KCNAB2: variants seen among roughly 807,000 people sequenced by gnomAD.
The protein encoded by KCNAB2 is potassium voltage-gated channel subfamily A regulatory beta subunit 2, also known as voltage-gated potassium channel subunit beta-2.
In KCNAB2, 29 loss-of-function variants were observed where a neutral mutation model predicts 63.6. The observed-to-expected ratio is 0.46, with a 90% confidence interval of 0.34 to 0.62. The LOEUF is 0.62. KCNAB2 is among the 20% of genes least tolerant of loss of function. KCNAB2 has a pLI of 0.01. For missense variants in KCNAB2, 359 were observed against 563.9 expected (o/e 0.64, Z 3.68); for synonymous variants, 222 against 224.2 (o/e 0.99, Z 0.09).
At chr1:6,082,403 A>G in intron 5 of KCNAB2, 129 bp downstream of exon 5, 1 of 713,934 alleles carries the variant, frequency 1.4e-6, no homozygotes, top group Middle Eastern at 2.5e-4. Context: ...TTCATTTTTA[A>G]ACTCTGAATG....
intron 15 of KCNAB2, 192 bp downstream of exon 15, chr1:6,097,549 C>T (rs1378796386): frequency 2.0e-6 from 2 of 990,858 alleles, no homozygotes; most frequent in Non-Finnish European, 3.0e-6. Context: ...CTGCACGAAA[C>T]AAGGAGGTTA....
At chr1:6,029,618 C>G (rs1313200236), upstream of KCNAB2, among the ~76,000 whole-genome samples, 1 of 152,198 alleles carries the variant, frequency 6.6e-6, no homozygotes, top group Non-Finnish European at 1.5e-5. Flanking sequence ...TCCTGCAGCC[C>G]CCGCTGCACA....
At chr1:6,082,896 C>T (rs1190575363) in intron 5 of KCNAB2, among the ~76,000 whole-genome samples, 1 of 152,176 alleles carries the variant, frequency 6.6e-6, no homozygotes, top group Non-Finnish European at 1.5e-5. Flanking sequence ...AGCCAAGTTC[C>T]CGTCAGCCGG....
At chr1:6,033,379 GTGTATGTGTGCATTGCATGTGTGCC>G (rs1312034207), upstream of KCNAB2, among the ~76,000 whole-genome samples, 7 of 151,158 alleles carry the variant, frequency 4.6e-5, no homozygotes, top group African/African-American at 1.7e-4. Context: ...ATATGTGTGC[GTGTATGTGTGCATTGCATGTGTGCC>G]TGTATGTGTG....
chr1:6,079,357 TAAAAATAG>T (rs1236779469), intron 4 of KCNAB2, among the ~76,000 whole-genome samples: 1 of 152,032 alleles, frequency 6.6e-6, no homozygotes, highest in Non-Finnish European at 1.5e-5. Context: ...TCATCTCTAC[TAAAAATAG>T]AAAAATCAGC....
intron 8 of KCNAB2, among the ~76,000 whole-genome samples, chr1:6,090,109 G>T (rs571467904): frequency 1.3e-5 from 2 of 152,340 alleles, no homozygotes; most frequent in South Asian, 4.1e-4. Flanking sequence ...TCAGAGGAGG[G>T]TATATTGTCT....
rs1657354339 is a variant in KCNAB2, at chr1:6,003,121, C to T, written c.-53+10333C>T. ...CACGGGGCGGGCGCTCGCCCTTGGC[C>T]TCGCTCCTGAGCCACAGTCACCAGG... is the stretch of plus-strand genomic sequence containing the variant. On this transcript the variant is annotated intron_variant, in intron 1 of 16. Transcript: ENST00000341524. The surrounding 1 kb of genome is among the most constrained non-coding windows in gnomAD (Gnocchi z 4.1). Among the ~76,000 whole-genome samples the T allele has an allele frequency of 6.6e-6, 1 of 152,244 alleles. No homozygotes were observed. Among genetic ancestry groups the T allele is most frequent in the South Asian group, 2.1e-4 (1 of 4,836 alleles).
rs1168949700 is a variant in KCNAB2, at chr1:6,087,822, T to C, written c.470+311T>C. On this transcript the variant is annotated intron_variant, in intron 7 of 15. Transcript: ENST00000378083. This position sits in a 1 kb window ranked among gnomAD's most constrained non-coding sequence, Gnocchi z 6.4. ...CAAAAACCTCGCTTAACTTTCCTTT[T>C]TACTCACATGGATTATTTTTTCCTG... Among the ~76,000 whole-genome samples the C allele has an allele frequency of 1.3e-5, 2 of 152,232 alleles. No individual in the cohort carries two copies. Among genetic ancestry groups the C allele is most frequent in the African/African-American group, 4.8e-5 (2 of 41,452 alleles).
intron 1 of KCNAB2, among the ~76,000 whole-genome samples, chr1:6,007,926 G>A (rs1373267266): frequency 6.6e-6 from 1 of 152,192 alleles, no homozygotes; most frequent in Non-Finnish European, 1.5e-5. Context: ...CCTGAGAGGG[G>A]CTGGAGACGC....
intron 1 of KCNAB2, among the ~76,000 whole-genome samples, chr1:6,004,856 C>T (rs371623680): frequency 6.6e-6 from 1 of 151,726 alleles, no homozygotes; most frequent in Non-Finnish European, 1.5e-5. Context: ...CGTCTCCCTC[C>T]AGAGTCTGGC....
At chr1:6,042,702 G>T (rs1338541182), upstream of KCNAB2, among the ~76,000 whole-genome samples, 3 of 152,220 alleles carry the variant, frequency 2.0e-5, no homozygotes, top group African/African-American at 7.2e-5. Flanking sequence ...CATCTTGGCG[G>T]TCAGGCCGGG....
intron 2 of KCNAB2, among the ~76,000 whole-genome samples, chr1:6,058,376 G>A (rs925916290): frequency 2.0e-5 from 3 of 152,190 alleles, no homozygotes; most frequent in Non-Finnish European, 2.9e-5. Context: ...GGACATCCCT[G>A]AGTGTCCTGG....
intron 2 of KCNAB2, among the ~76,000 whole-genome samples, chr1:6,063,096 G>A (rs1051509857): frequency 8.6e-5 from 13 of 150,430 alleles, no homozygotes; most frequent in African/African-American, 2.9e-4. Context: ...GCGCAACCTC[G>A]GCTTACTGCA....
chr1:6,030,539 A>C (rs373682006), upstream of KCNAB2, among the ~76,000 whole-genome samples: 18 of 147,916 alleles, frequency 1.2e-4, no homozygotes, highest in African/African-American at 4.0e-4. Context: ...GTGTGTGTAC[A>C]TATGTGTGTA....
chr1:6,025,761 G>C (rs1008504121), intron 1 of KCNAB2, among the ~76,000 whole-genome samples: 1 of 152,198 alleles, frequency 6.6e-6, no homozygotes, highest in Non-Finnish European at 1.5e-5. Flanking sequence ...TGTAGCATGG[G>C]GGGGCAGCAG....
In KCNAB2 at chr1:6,046,141, A is replaced by C; in HGVS notation, c.-69A>C. The C allele has an allele frequency of 2.0e-6, 2 of 985,392 alleles. No homozygotes were observed. Among genetic ancestry groups the C allele is most frequent in the Non-Finnish European group, 2.4e-6 (2 of 829,922 alleles). 61.0% of individuals were successfully genotyped at this position (985,392 alleles called of 1,614,324 possible). A position where few individuals can be genotyped will look rare whatever the true frequency, so the allele number is the denominator to read the frequency against. On this transcript the variant is annotated 5_prime_UTR_variant, in exon 1 of 16. Coordinates refer to ENST00000378083, the MANE Select transcript of KCNAB2 (RefSeq NM_001199862.2). ...AGTGTCTGGTGATCCCTAATAAACC[A>C]GACTGTGGCCTTTTTAACGAGCAGA... is the stretch of plus-strand genomic sequence containing the variant.
At chr1:6,072,402 T>C (rs373565913) in intron 2 of KCNAB2, among the ~76,000 whole-genome samples, 26 of 152,324 alleles carry the variant, frequency 1.7e-4, no homozygotes, top group Admixed American at 4.6e-4. Context: ...GGGGCTTCTC[T>C]GCAAGGGGCG....
At chr1:6,079,973 T>C (rs34638869) in intron 4 of KCNAB2, among the ~76,000 whole-genome samples, 15,157 of 152,178 alleles carry the variant, frequency 0.1, 876 homozygotes, top group African/African-American at 0.13. Context: ...GGATTGGTTT[T>C]TAGGATGTAT....
At chr1:6,084,728 A>G (rs948616775) in intron 5 of KCNAB2, among the ~76,000 whole-genome samples, 4 of 151,034 alleles carry the variant, frequency 2.6e-5, no homozygotes, top group African/African-American at 7.3e-5. Flanking sequence ...AGGCAGGAGA[A>G]CTGCTTGAAC....
Sources: allele counts gnomAD v4.1 joint callset (sites outside exome capture counted in the v4.1 genomes callset), GRCh38; gene constraint gnomAD v4.1.1; non-coding constraint Gnocchi (gnomAD v3.1); transcripts MANE v1.5; gene names NCBI Gene and HGNC (gene_info 2026-07-23, HGNC 2026-07-21).